Variants in ZBTB46 observed in about 807,000 individuals in gnomAD.
ZBTB46 encodes the protein zinc finger and BTB domain containing 46.
Under a neutral mutation model 44.1 loss-of-function variants are expected in ZBTB46, and 8 were observed. The ratio of observed to expected loss-of-function variants is 0.18; its 90% CI spans 0.11 to 0.33. The LOEUF (loss-of-function observed/expected upper bound fraction) is 0.33, where lower values mean the gene tolerates loss of function less well. Among genes scored for constraint, ZBTB46 ranks in the 10% least tolerant of loss-of-function variants. ZBTB46 has a pLI of 1.00. For synonymous variants in ZBTB46, 409 were observed against 382.3 expected (o/e 1.07, Z -0.81); for missense variants, 651 against 847.7 (o/e 0.77, Z 2.88).
chr20:63,828,064 G>C (rs1041343996), intron 1 of ZBTB46, among the ~76,000 whole-genome samples: 13 of 152,260 alleles, frequency 8.5e-5, no homozygotes, highest in African/African-American at 2.7e-4. Flanking sequence ...GGGATTACAG[G>C]CGTGAGCCAC....
rs552764020 is a variant in ZBTB46, at chr20:63,818,897, A to G, written c.-34+12200T>C. Among the ~76,000 whole-genome samples, 271 of 138,888 alleles carry G rather than the reference A, an allele frequency of 2.0e-3. 2 individuals are homozygous for G. Among genetic ancestry groups the G allele is most frequent in the Admixed American group, 3.7e-3 (50 of 13,548 alleles). 91.1% of individuals were successfully genotyped at this position (138,888 alleles called of 152,430 possible). On this transcript the variant is annotated intron_variant, in intron 1 of 4. Coordinates refer to ENST00000245663, the MANE Select transcript of ZBTB46 (RefSeq NM_001369741.1). ...AAAAAAAAAAAAAAAAAAGAAGGCCAGGCGCAGTGGCTCAAGCCTGTAATC... is the reference window on the plus strand; with the variant it reads ...AAAAAAAAAAAAAAAAAAGAAGGCCGGGCGCAGTGGCTCAAGCCTGTAATC...
At chr20:63,821,447 T>TTC (rs201321747) in intron 1 of ZBTB46, among the ~76,000 whole-genome samples, 5,815 of 150,842 alleles carry the variant, frequency 0.039, 164 homozygotes, top group Non-Finnish European at 0.059. Flanking sequence ...ACGCTTTTTT[T>TTC]TTTTTTTCTG....
chr20:63,770,473 G>GAAACTGCCATCT (rs2092359700), intron 3 of ZBTB46, among the ~76,000 whole-genome samples: 1 of 152,180 alleles, frequency 6.6e-6, no homozygotes, highest in South Asian at 2.1e-4. Flanking sequence ...GTCTAGTAAT[G>GAAACTGCCATCT]AAACTGCCAT....
chr20:63,785,225 A>C (rs1465690883), intron 2 of ZBTB46, among the ~76,000 whole-genome samples: 1 of 7,874 alleles, frequency 1.3e-4, no homozygotes, highest in Non-Finnish European at 2.8e-4. Flanking sequence ...AGCGAGACTC[A>C]AAAAAAAAAA....
intron 1 of ZBTB46, among the ~76,000 whole-genome samples, chr20:63,798,399 G>A (rs756797776): frequency 1.2e-4 from 18 of 151,950 alleles, no homozygotes; most frequent in Non-Finnish European, 2.2e-4. Flanking sequence ...CGTTGGCCGC[G>A]CGTGGTGGCT....
chr20:63,806,276 G>T (rs1292352303), intron 1 of ZBTB46, among the ~76,000 whole-genome samples: 1 of 150,956 alleles, frequency 6.6e-6, no homozygotes, highest in Non-Finnish European at 1.5e-5. Context: ...GCATGGTGAC[G>T]GGTGCCTGTA....
chr20:63,826,326 G>A (rs993692590), intron 1 of ZBTB46, among the ~76,000 whole-genome samples: 9 of 152,226 alleles, frequency 5.9e-5, no homozygotes, highest in African/African-American at 1.9e-4. Flanking sequence ...TCCATTTTGG[G>A]GGAAACTGAG....
At chr20:63,817,242 C>CA (rs1298702416) in intron 1 of ZBTB46, among the ~76,000 whole-genome samples, 1 of 151,938 alleles carries the variant, frequency 6.6e-6, no homozygotes, top group African/African-American at 2.4e-5. Context: ...CCTGTCCCTA[C>CA]AAAAAGTAAA....
intron 1 of ZBTB46, among the ~76,000 whole-genome samples, chr20:63,804,163 C>T (rs2092667020): frequency 6.6e-6 from 1 of 152,138 alleles, no homozygotes; most frequent in African/African-American, 2.4e-5. Context: ...ACCTCAGCAG[C>T]TCCAGGCCTC....
At chr20:63,817,715 CAAA>C (rs3068855) in intron 1 of ZBTB46, among the ~76,000 whole-genome samples, 10 of 78,768 alleles carry the variant, frequency 1.3e-4, no homozygotes, top group Admixed American at 1.5e-4. Flanking sequence ...GACTCTGTCT[CAAA>C]AAAAAAAAAA....
rs758409465 is a variant in ZBTB46 at position 63,747,182 on chromosome 20, G to A, written c.1518C>T (p.Gly506=). The part of the protein sequence containing the change: ...RRHGVCTDCA[G]RGMAGPLDHG... ...GGTCCAGGGGCCCGGCCATGCCGCG[G>A]CCAGCACAGTCGGTGCACACACCGT... The change falls in exon 5 of 5, where the codon GGC becomes GGT. Residue 506 remains glycine, a synonymous_variant. Coordinates refer to ENST00000245663, the MANE Select transcript of ZBTB46 (RefSeq NM_001369741.1). The A allele has an allele frequency of 3.1e-6, 5 of 1,608,834 alleles. No homozygotes were observed. Among genetic ancestry groups the A allele is most frequent in the Non-Finnish European group, 3.4e-6 (4 of 1,178,244 alleles).
At chr20:63,765,073 GTGCGTGTGCA>G (rs2092308316) in intron 3 of ZBTB46, among the ~76,000 whole-genome samples, 3 of 104,062 alleles carry the variant, frequency 2.9e-5, no homozygotes, top group South Asian at 3.4e-4. Context: ...ATGTGCATGT[GTGCGTGTGCA>G]TGTGTGCATG....
chr20:63,824,665 T>G (rs1466890917), intron 1 of ZBTB46, among the ~76,000 whole-genome samples: 2 of 145,532 alleles, frequency 1.4e-5, no homozygotes, highest in East Asian at 4.1e-4. Context: ...GATGTTTCCA[T>G]CACTGCACCC....
intron 1 of ZBTB46, among the ~76,000 whole-genome samples, chr20:63,807,444 G>A (rs568215395): frequency 3.3e-5 from 5 of 152,176 alleles, no homozygotes; most frequent in Non-Finnish European, 4.4e-5. Flanking sequence ...TCCCGAGTTC[G>A]AGTGATTCTC....
At chr20:63,772,469 G>A (rs369283598) in intron 3 of ZBTB46, among the ~76,000 whole-genome samples, 38 of 152,074 alleles carry the variant, frequency 2.5e-4, no homozygotes, top group African/African-American at 7.5e-4. Context: ...CTATAAACCC[G>A]GCACTTTGGG....
At chr20:63,813,108 A>G (rs985863314) in intron 1 of ZBTB46, among the ~76,000 whole-genome samples, 1 of 152,074 alleles carries the variant, frequency 6.6e-6, no homozygotes, top group Non-Finnish European at 1.5e-5. Context: ...AAAACAAAAC[A>G]AAACAAAAAC....
At chr20:63,821,430 A>G (rs1377551196) in intron 1 of ZBTB46, among the ~76,000 whole-genome samples, 5 of 145,836 alleles carry the variant, frequency 3.4e-5, no homozygotes, top group Non-Finnish European at 4.5e-5. Flanking sequence ...TGGGACTACA[A>G]GCAGGCACGC....
chr20:63,804,001 C>T (rs981247584), intron 1 of ZBTB46, among the ~76,000 whole-genome samples: 1 of 152,208 alleles, frequency 6.6e-6, no homozygotes, highest in Non-Finnish European at 1.5e-5. Context: ...ACCGACATAA[C>T]GTCACTTCCT....
chr20:63,808,976 C>CAAAAAAAA (rs1157399042), intron 1 of ZBTB46, among the ~76,000 whole-genome samples: 113 of 74,904 alleles, frequency 1.5e-3, no homozygotes, highest in African/African-American at 1.8e-3. Context: ...GACTCCGCTT[C>CAAAAAAAA]AAAAAAAAAA....
Sources: allele counts gnomAD v4.1 joint callset (sites outside exome capture counted in the v4.1 genomes callset), GRCh38; gene constraint gnomAD v4.1.1; transcripts MANE v1.5; gene names NCBI Gene and HGNC (gene_info 2026-07-23, HGNC 2026-07-21).